EPB41: variants seen among roughly 807,000 people sequenced by gnomAD.
EPB41 encodes the protein erythrocyte membrane protein band 4.1, also known as protein 4.1.
A neutral mutation model predicts 108.0 loss-of-function variants in EPB41; 65 were observed. The ratio of observed to expected loss-of-function variants is 0.60; its 90% CI spans 0.49 to 0.74. The LOEUF (loss-of-function observed/expected upper bound fraction) is 0.74, where lower values mean the gene tolerates loss of function less well. Among genes scored for constraint, EPB41 ranks in the 30% least tolerant of loss-of-function variants. The pLI, the probability that EPB41 is intolerant of heterozygous loss-of-function variation, is 0.00. For synonymous variants in EPB41, 336 were observed against 358.9 expected (o/e 0.94, Z 0.72); for missense variants, 875 against 1,037.0 (o/e 0.84, Z 2.15).
At position 28,987,606 on chromosome 1, in the gene EPB41, A is replaced by G. The variant is rs774967538; in HGVS notation, c.169A>G (p.Asn57Asp). The G allele has an allele frequency of 3.1e-6, 5 of 1,614,236 alleles. No individual in the cohort carries two copies. In the East Asian group the frequency reaches 6.7e-5, roughly 22 times the overall value. Reference protein sequence around the residue: ...NWCEQKLKASNGDTPTHEDLT... With the variant: ...NWCEQKLKASDGDTPTHEDLT... ...GTGTGAACAGAAGCTGAAAGCTTCT[A>G]ATGGAGACACTCCTACACATGAAGA... is the stretch of plus-strand genomic sequence containing the variant. Residue 57 changes from asparagine (N) to aspartate (D), a missense_variant, in exon 2 of 21, where the codon AAT (asparagine) becomes GAT (aspartate). Physicochemically the swap from Asn to Asp is conservative, Grantham distance 23 (BLOSUM62 1). This residue lies in a region of EPB41 where 353 missense variants were observed against 393.2 expected (regional missense o/e 0.90). Coordinates refer to ENST00000343067, the MANE Select transcript of EPB41 (RefSeq NM_001376013.1).
At chr1:28,918,528 TG>T (rs2092847558) in intron 1 of EPB41, among the ~76,000 whole-genome samples, 1 of 152,250 alleles carries the variant, frequency 6.6e-6, no homozygotes, top group Admixed American at 6.5e-5. Flanking sequence ...TGAATAACTT[TG>T]TTTTTTTCCT....
chr1:28,934,122 G>C (rs1188557456), intron 1 of EPB41, among the ~76,000 whole-genome samples: 1 of 152,032 alleles, frequency 6.6e-6, no homozygotes, highest in Non-Finnish European at 1.5e-5. Context: ...TGATGATCTT[G>C]ACAGTTTTGA....
intron 1 of EPB41, among the ~76,000 whole-genome samples, chr1:28,927,041 T>C (rs1426647592): frequency 6.6e-6 from 1 of 152,238 alleles, no homozygotes; most frequent in Non-Finnish European, 1.5e-5. Context: ...GATGTCTCCA[T>C]TGTTGCTTTT....
intron 12 of EPB41, chr1:29,054,241 TATATGTTA>T (rs2150775230): frequency 6.6e-6 from 1 of 152,338 alleles, no homozygotes; most frequent in Admixed American, 6.5e-5. Flanking sequence ...ACTGACCTTT[TATATGTTA>T]AGCTTTGTAA....
At chr1:28,888,167 A>AC (rs2089667503) in intron 1 of EPB41, among the ~76,000 whole-genome samples, 1 of 151,922 alleles carries the variant, frequency 6.6e-6, no homozygotes, top group African/African-American at 2.4e-5. Flanking sequence ...GGAACGGACG[A>AC]CCCCTTCTCC....
At chr1:29,085,913 A>G (rs1445548163) in intron 16 of EPB41, among the ~76,000 whole-genome samples, 1 of 152,216 alleles carries the variant, frequency 6.6e-6, no homozygotes, top group Non-Finnish European at 1.5e-5. Context: ...TTCCCCTTAT[A>G]AAAGAGAACT....
At chr1:28,960,770 C>T (rs888493705) in intron 1 of EPB41, among the ~76,000 whole-genome samples, 1 of 150,672 alleles carries the variant, frequency 6.6e-6, no homozygotes. Context: ...CAATGGCTCA[C>T]GCCTGTAATC....
chr1:29,032,238 T>C (rs978992522), intron 8 of EPB41, among the ~76,000 whole-genome samples: 1 of 152,204 alleles, frequency 6.6e-6, no homozygotes, highest in African/African-American at 2.4e-5. Context: ...TGGTTAGATT[T>C]TGCTTCACAA....
Position 29,018,581 on chromosome 1 carries a change from C to T in EPB41, c.1124+139C>T. ...GTTTCCTCCACTGTTTGACTTTGGGCAGGTTACTTAACCTCTCTTAATCTA... is the reference window on the plus strand; with the variant it reads ...GTTTCCTCCACTGTTTGACTTTGGGTAGGTTACTTAACCTCTCTTAATCTA... On this transcript the variant is annotated intron_variant, in intron 7 of 20. Transcript: ENST00000343067. The surrounding 1 kb of genome is among the most constrained non-coding windows in gnomAD (Gnocchi z 4.4). 1 of 887,812 alleles carries T rather than the reference C, an allele frequency of 1.1e-6. No homozygotes were observed. The highest frequency in any genetic ancestry group is 1.8e-6 in the Non-Finnish European group (1 of 546,622). The allele number at this position is 887,812 out of a possible 1,614,324, so 55.0% of individuals were successfully genotyped here. A position where few individuals can be genotyped will look rare whatever the true frequency, so the allele number is the denominator to read the frequency against.
intron 1 of EPB41, among the ~76,000 whole-genome samples, chr1:28,964,631 T>C (rs12409738): frequency 6.7e-6 from 1 of 149,780 alleles, no homozygotes; most frequent in African/African-American, 2.5e-5. Flanking sequence ...ATAAATAAAA[T>C]AAATAAATAA....
rs555489662 is a variant in EPB41, at chr1:29,026,333, A to C, written c.1125-4067A>C. 3.3e-5 allele frequency among the ~76,000 whole-genome samples: 5 copies of C among 152,362 alleles called. No individual in the cohort carries two copies. In the South Asian group the frequency reaches 1.0e-3, roughly 32 times the overall value. On this transcript the variant is annotated intron_variant, in intron 7 of 20. Coordinates refer to ENST00000343067, the MANE Select transcript of EPB41 (RefSeq NM_001376013.1). ...TGAACCCTGTTAGGATATTGCGTTA[A>C]AACTGGAGGCTTCAATGTGAACTTG... is the stretch of plus-strand genomic sequence containing the variant.
chr1:28,953,585 A>G (rs2094828120), intron 1 of EPB41, among the ~76,000 whole-genome samples: 2 of 152,228 alleles, frequency 1.3e-5, no homozygotes, highest in Admixed American at 6.5e-5. Context: ...CGGTCTCTGA[A>G]TGAATGTATG....
intron 16 of EPB41, among the ~76,000 whole-genome samples, chr1:29,091,659 T>A (rs1034809705): frequency 6.6e-6 from 1 of 152,252 alleles, no homozygotes; most frequent in Non-Finnish European, 1.5e-5. Context: ...AACCAAGTAT[T>A]ATTTTCATGT....
At chr1:28,949,573 C>CT (rs1290170916) in intron 1 of EPB41, among the ~76,000 whole-genome samples, 2 of 151,470 alleles carry the variant, frequency 1.3e-5, no homozygotes, top group Non-Finnish European at 2.9e-5. Flanking sequence ...CTGCTATTTC[C>CT]TTTTTTCCAC....
At chr1:29,098,876 C>T (rs1373623598) in intron 17 of EPB41, among the ~76,000 whole-genome samples, 1 of 151,804 alleles carries the variant, frequency 6.6e-6, no homozygotes, top group East Asian at 2.0e-4. Context: ...CCTCTACAGT[C>T]ATGTGCACAT....
At chr1:28,931,968 G>A (rs955869696) in intron 1 of EPB41, among the ~76,000 whole-genome samples, 1 of 152,170 alleles carries the variant, frequency 6.6e-6, no homozygotes, top group Non-Finnish European at 1.5e-5. Context: ...ATCTACTTCT[G>A]CATAGTAAGT....
intron 6 of EPB41, among the ~76,000 whole-genome samples, chr1:29,016,129 G>T (rs1313958122): frequency 6.6e-6 from 1 of 151,938 alleles, no homozygotes; most frequent in African/African-American, 2.4e-5. Context: ...TTTGTTTTTT[G>T]GGGTCTCTTT....
At chr1:29,061,598 T>TTTTTTTTTTTTTG (rs1646582569) in intron 15 of EPB41, among the ~76,000 whole-genome samples, 1 of 145,168 alleles carries the variant, frequency 6.9e-6, no homozygotes, top group Admixed American at 7.0e-5. Flanking sequence ...TTTTTTTTTT[T>TTTTTTTTTTTTTG]GAGGCGGGTC....
At chr1:29,021,586 T>TC (rs1372437456) in intron 7 of EPB41, among the ~76,000 whole-genome samples, 1 of 151,806 alleles carries the variant, frequency 6.6e-6, no homozygotes, top group Non-Finnish European at 1.5e-5. Flanking sequence ...TCTTTTTTTT[T>TC]CTTTTTTTTT....
Sources: allele counts gnomAD v4.1 joint callset (sites outside exome capture counted in the v4.1 genomes callset), GRCh38; gene constraint gnomAD v4.1.1; regional missense constraint gnomAD v4.1.1; non-coding constraint Gnocchi (gnomAD v3.1); transcripts MANE v1.5; gene names NCBI Gene and HGNC (gene_info 2026-07-23, HGNC 2026-07-21).